The following MAPK10 variants were observed in gnomAD, a reference collection of about 807,000 sequenced individuals.
The protein encoded by MAPK10 is JNK3 alpha protein kinase.
Under a neutral mutation model 59.3 loss-of-function variants are expected in MAPK10, and 25 were observed. That is an observed-to-expected ratio of 0.42 (90% CI 0.31 to 0.59). The LOEUF (loss-of-function observed/expected upper bound fraction) is 0.59. MAPK10 is among the 20% of genes least tolerant of loss of function. The probability of loss-of-function intolerance (pLI) is 0.15; values close to 1 mark genes in which losing one functional copy is unlikely to be tolerated. For synonymous variants in MAPK10, 190 were observed against 200.5 expected, an observed-to-expected ratio of 0.95 and a Z score of 0.44; for missense variants, 351 against 568.9, an observed-to-expected ratio of 0.62 and a Z score of 3.90.
chr4:86,374,237 TCA>T (rs1739408270), intron 1 of MAPK10, among the ~76,000 whole-genome samples: 1 of 151,676 alleles, frequency 6.6e-6, no homozygotes, highest in Admixed American at 6.6e-5. Flanking sequence ...GAGGAGAATA[TCA>T]CACACCAGGG....
chr4:86,485,220 G>A (rs542750409), intron 1 of MAPK10, among the ~76,000 whole-genome samples: 1 of 152,136 alleles, frequency 6.6e-6, no homozygotes, highest in Admixed American at 6.5e-5. Context: ...CATCTTACTG[G>A]AGATGCCTTC....
At chr4:86,229,553 T>G (rs992639764) in intron 2 of MAPK10, among the ~76,000 whole-genome samples, 3 of 152,200 alleles carry the variant, frequency 2.0e-5, no homozygotes, top group African/African-American at 7.2e-5. Flanking sequence ...TATAGTAGAA[T>G]AAACTAATAT....
chr4:86,355,846 A>C (rs1002357276), intron 1 of MAPK10, among the ~76,000 whole-genome samples: 1 of 152,190 alleles, frequency 6.6e-6, no homozygotes, highest in Admixed American at 6.5e-5. Flanking sequence ...TTCCTTCACT[A>C]TCAATGCTTT....
intron 1 of MAPK10, among the ~76,000 whole-genome samples, chr4:86,388,711 G>A (rs1741819096): frequency 6.6e-6 from 1 of 152,010 alleles, no homozygotes; most frequent in South Asian, 2.1e-4. Context: ...ATCACTTTAT[G>A]TAACCTTAAT....
intron 11 of MAPK10, among the ~76,000 whole-genome samples, chr4:86,062,779 A>G (rs2045978010): frequency 6.6e-6 from 1 of 152,140 alleles, no homozygotes; most frequent in Non-Finnish European, 1.5e-5. Flanking sequence ...CATATACATC[A>G]TACTTTCTCT....
chr4:86,570,339 T>G (rs953620028), intron 1 of MAPK10, among the ~76,000 whole-genome samples: 4 of 152,130 alleles, frequency 2.6e-5, no homozygotes, highest in Non-Finnish European at 5.9e-5. Flanking sequence ...CAGGTAAATA[T>G]TACAGATAAA....
At chr4:86,187,551 G>A (rs545623085) in intron 3 of MAPK10, among the ~76,000 whole-genome samples, 2 of 152,040 alleles carry the variant, frequency 1.3e-5, no homozygotes, top group African/African-American at 4.8e-5. Flanking sequence ...TGTGGAAACC[G>A]AAACCACAGA....
At chr4:86,167,473 AG>A (rs1174164453) in intron 3 of MAPK10, among the ~76,000 whole-genome samples, 1 of 152,222 alleles carries the variant, frequency 6.6e-6, no homozygotes, top group Admixed American at 6.5e-5. Context: ...TACTCAATAA[AG>A]TACTGTCAAA....
chr4:86,158,195 C>CTT lies in MAPK10; in HGVS notation c.236+1101_236+1102dup, dbSNP rs144309115. Among the ~76,000 whole-genome samples the CTT allele has an allele frequency of 5.1e-3, 771 of 151,128 alleles. 7 individuals carry two copies. Among genetic ancestry groups the CTT allele is most frequent in the African/African-American group, 0.018 (730 of 41,286 alleles). ...TTAAAATATTTTAAATTTTAAACCTCTTTTTTTTTATCACAACTGCAAGGA... is the reference window on the plus strand; with the variant it reads ...TTAAAATATTTTAAATTTTAAACCTCTTTTTTTTTTTATCACAACTGCAAGGA... On this transcript the variant is annotated intron_variant, in intron 4 of 13. Coordinates refer to ENST00000641462, the MANE Select transcript of MAPK10 (RefSeq NM_138982.4).
chr4:86,103,385 G>T, intron 5 of MAPK10, 141 bp from the exon 6 acceptor site: 1 of 582,360 alleles, frequency 1.7e-6, no homozygotes. Flanking sequence ...GTCTTGAGCT[G>T]TCTCAGAGGA....
chr4:86,102,138 G>T, intron 6 of MAPK10, 106 bp from the exon 7 acceptor site: 1 of 990,940 alleles, frequency 1.0e-6, no homozygotes, highest in South Asian at 1.5e-5. Flanking sequence ...GAACTTCTTA[G>T]CTCTGCCTTT....
intron 1 of MAPK10, among the ~76,000 whole-genome samples, chr4:86,562,220 A>G (rs2149104754): frequency 6.6e-6 from 1 of 152,340 alleles, no homozygotes; most frequent in Non-Finnish European, 1.5e-5. Context: ...TGGAGGCTAC[A>G]GTGAGCTGTG....
intron 1 of MAPK10, among the ~76,000 whole-genome samples, chr4:86,437,209 G>T (rs1283762744): frequency 8.5e-6 from 1 of 117,644 alleles, no homozygotes; most frequent in Non-Finnish European, 1.7e-5. Flanking sequence ...GTGAGACTCT[G>T]TCTCAAAAAA....
chr4:86,460,874 TG>T (rs1751672404), intron 1 of MAPK10, among the ~76,000 whole-genome samples: 1 of 152,254 alleles, frequency 6.6e-6, no homozygotes, highest in African/African-American at 2.4e-5. Context: ...ACTGGCTTAC[TG>T]TCAATAAATA....
intron 11 of MAPK10, among the ~76,000 whole-genome samples, chr4:86,045,711 C>A (rs749702752): frequency 6.6e-6 from 1 of 151,888 alleles, no homozygotes; most frequent in African/African-American, 2.4e-5. Context: ...TGCTTACCAG[C>A]CCAAAATAAT....
chr4:86,547,008 C>T (rs546849182), intron 1 of MAPK10, among the ~76,000 whole-genome samples: 3 of 152,222 alleles, frequency 2.0e-5, no homozygotes, highest in Admixed American at 1.3e-4. Flanking sequence ...GCCGAGATTG[C>T]GCCACTGCAC....
intron 2 of MAPK10, among the ~76,000 whole-genome samples, chr4:86,269,720 A>G (rs1433017608): frequency 2.0e-5 from 3 of 152,164 alleles, no homozygotes; most frequent in African/African-American, 7.2e-5. Flanking sequence ...CCATTTAAAA[A>G]TGATTTTCTA....
chr4:86,330,956 C>T (rs968608637), intron 2 of MAPK10, among the ~76,000 whole-genome samples: 1 of 151,892 alleles, frequency 6.6e-6, no homozygotes, highest in Non-Finnish European at 1.5e-5. Context: ...CCTTTTCATC[C>T]TCATCTTAGA....
chr4:86,447,844 T>C (rs1750224593), intron 1 of MAPK10, among the ~76,000 whole-genome samples: 2 of 152,202 alleles, frequency 1.3e-5, no homozygotes, highest in Admixed American at 6.5e-5. Context: ...ATAATACATA[T>C]AGAGTTAATT....
Sources: allele counts gnomAD v4.1 joint callset (sites outside exome capture counted in the v4.1 genomes callset), GRCh38; gene constraint gnomAD v4.1.1; transcripts MANE v1.5; gene names NCBI Gene and HGNC (gene_info 2026-07-23, HGNC 2026-07-21).